SLC9C2: variants seen among roughly 807,000 people sequenced by gnomAD.
SLC9C2 encodes the protein sodium/hydrogen exchanger 11.
Under a neutral mutation model 140.2 loss-of-function variants are expected in SLC9C2, and 75 were observed. That is an observed-to-expected ratio of 0.53 (90% CI 0.44 to 0.65). SLC9C2 has a LOEUF of 0.65. Ranked by LOEUF, SLC9C2 falls within the 30% of genes least tolerant of loss-of-function variation. SLC9C2 has a pLI of 0.00. For missense variants in SLC9C2, 1,074 were observed against 1,331.8 expected, an observed-to-expected ratio of 0.81 and a Z score of 3.01; for synonymous variants, 375 against 420.9, an observed-to-expected ratio of 0.89 and a Z score of 1.34.
chr1:173,587,457 A>G (rs1028713311), intron 5 of SLC9C2, among the ~76,000 whole-genome samples: 1 of 152,160 alleles, frequency 6.6e-6, no homozygotes, highest in African/African-American at 2.4e-5. Flanking sequence ...TGGAGATTAT[A>G]ATTGGCACTA....
chr1:173,574,686 A>G (rs1250523900), intron 8 of SLC9C2, among the ~76,000 whole-genome samples: 1 of 151,018 alleles, frequency 6.6e-6, no homozygotes, highest in East Asian at 2.0e-4. Flanking sequence ...AATTTTTTGT[A>G]TTTTTAGTAG....
At chr1:173,557,574 C>T (rs1376482462) in intron 9 of SLC9C2, 66 bp from the exon 10 acceptor site, 21 of 1,430,558 alleles carry the variant, frequency 1.5e-5, no homozygotes, top group Non-Finnish European at 1.9e-5. Flanking sequence ...TAGTTGAAAG[C>T]AAGTACTAAA....
chr1:173,570,196 G>C (rs73029321), intron 9 of SLC9C2, among the ~76,000 whole-genome samples: 2,115 of 152,182 alleles, frequency 0.014, 58 homozygotes, highest in African/African-American at 0.049. Flanking sequence ...TCTCACCCAA[G>C]GCCCACAGCA....
intron 14 of SLC9C2, among the ~76,000 whole-genome samples, chr1:173,536,568 C>A (rs868487945): frequency 6.6e-6 from 1 of 152,160 alleles, no homozygotes; most frequent in South Asian, 2.1e-4. Flanking sequence ...GGCTTCTAAA[C>A]CTCCTCTGTC....
intron 9 of SLC9C2, among the ~76,000 whole-genome samples, chr1:173,568,268 C>G (rs1400614807): frequency 6.6e-6 from 1 of 152,070 alleles, no homozygotes; most frequent in East Asian, 1.9e-4. Flanking sequence ...TTTTCTGCTC[C>G]TCTCCCTCCT....
chr1:173,534,751 T>C (rs1661822887), intron 15 of SLC9C2, 69 bp from the exon 16 acceptor site: 2 of 1,213,950 alleles, frequency 1.6e-6, no homozygotes, highest in South Asian at 1.8e-5. Context: ...TCAATATTTG[T>C]TTAAACAAAT....
rs568987848 is a variant in SLC9C2 at position 173,595,433 on chromosome 1, T to C, written c.357+2471A>G. On this transcript the variant is annotated intron_variant, in intron 4 of 27. Transcript: ENST00000367714. Reference sequence around the variant, plus strand: ...TATTAAGGGCTTTCTAGAAGCCTATTCAGCAAACTTTTGTACACTTTTTAT... The same window carrying C: ...TATTAAGGGCTTTCTAGAAGCCTATCCAGCAAACTTTTGTACACTTTTTAT... Among the ~76,000 whole-genome samples, 6 of 152,290 alleles carry C rather than the reference T, an allele frequency of 3.9e-5. No individual in the cohort carries two copies. The East Asian group carries it at 1.2e-3, about 29-fold the overall frequency.
intron 11 of SLC9C2, among the ~76,000 whole-genome samples, chr1:173,553,765 G>T (rs552058279): frequency 4.3e-4 from 65 of 152,226 alleles, no homozygotes; most frequent in Admixed American, 7.8e-4. Flanking sequence ...TGCATTATTT[G>T]CTTTGTCACG....
chr1:173,533,230 T>TA (rs1303563363), intron 17 of SLC9C2, among the ~76,000 whole-genome samples: 1 of 152,108 alleles, frequency 6.6e-6, no homozygotes, highest in Non-Finnish European at 1.5e-5. Flanking sequence ...ACACACAATG[T>TA]AAAAAAAGAA....
chr1:173,501,936 AG>A (rs1252125140), intron 27 of SLC9C2, among the ~76,000 whole-genome samples: 2 of 152,144 alleles, frequency 1.3e-5, no homozygotes, highest in African/African-American at 4.8e-5. Context: ...GAAGAGTCTT[AG>A]GGTGGCTGTC....
intron 23 of SLC9C2, among the ~76,000 whole-genome samples, chr1:173,510,785 G>A (rs1190659536): frequency 2.0e-5 from 3 of 152,096 alleles, no homozygotes; most frequent in Non-Finnish European, 2.9e-5. Flanking sequence ...GAATAGTGTG[G>A]CAATAAACAT....
intron 13 of SLC9C2, among the ~76,000 whole-genome samples, chr1:173,541,072 A>G (rs1245466694): frequency 1.3e-5 from 2 of 152,192 alleles, no homozygotes; most frequent in African/African-American, 2.4e-5. Context: ...AATTGGATAA[A>G]GAGTCAAGAC....
chr1:173,573,303 C>T lies in SLC9C2; in HGVS notation c.925G>A (p.Val309Ile), dbSNP rs764661134. The change falls in exon 9 of 28, where the codon GTA becomes ATA. Residue 309 changes from valine to isoleucine, a missense_variant. Physicochemically the swap from Val to Ile is conservative, Grantham distance 29. Transcript: ENST00000367714. The stretch of plus-strand genomic sequence containing the variant: ...AAAGCATATATTAAATGTTCATATA[C>T]AGATGAAAAAATTCTTAAGAACCTA... Reference protein sequence around the residue: ...ITKFLRIFSSVYEHLIYAFFG... With the variant: ...ITKFLRIFSSIYEHLIYAFFG... 3.9e-6 allele frequency: 6 copies of T among 1,536,310 alleles called. No individual in the cohort carries two copies. Among genetic ancestry groups the T allele is most frequent in the Non-Finnish European group, 5.3e-6 (6 of 1,128,236 alleles).
At chr1:173,555,660 T>TAC (rs1663626543) in intron 10 of SLC9C2, among the ~76,000 whole-genome samples, 1 of 152,210 alleles carries the variant, frequency 6.6e-6, no homozygotes, top group Admixed American at 6.5e-5. Flanking sequence ...GGAGGAGCTG[T>TAC]AATGTTGATT....
At chr1:173,520,911 C>CCT (rs150006115) in intron 22 of SLC9C2, among the ~76,000 whole-genome samples, 7 of 150,832 alleles carry the variant, frequency 4.6e-5, no homozygotes, top group South Asian at 4.2e-4. Context: ...AATCTCTCTC[C>CCT]CTCTCTCTCT....
At position 173,578,724 on chromosome 1, in the gene SLC9C2, G is replaced by A. The variant is rs116772090; in HGVS notation, c.803-1964C>T. On this transcript the variant is annotated intron_variant, in intron 7 of 27. Coordinates refer to ENST00000367714, the MANE Select transcript of SLC9C2 (RefSeq NM_178527.4). ...CTCTCCTAGCTTCTGGTAGTTTCAG[G>A]CATTCCTTGGCTTATAGCTGGTATT... Among the ~76,000 whole-genome samples, 1,416 of 152,250 alleles carry A rather than the reference G, an allele frequency of 9.3e-3. 24 individuals are homozygous for A. The highest frequency in any genetic ancestry group is 0.033 in the African/African-American group (1,361 of 41,544).
chr1:173,573,182 C>T lies in SLC9C2; in HGVS notation c.1046G>A (p.Arg349Lys), dbSNP rs1462659305. 1 of 1,538,458 alleles carries T rather than the reference C, an allele frequency of 6.5e-7. No individual in the cohort carries two copies. Among genetic ancestry groups the T allele is most frequent in the East Asian group, 2.3e-5 (1 of 44,190 alleles). ...FILFTTVNLV[R>K]LLTILLVSPI... The stretch of plus-strand genomic sequence containing the variant: ...ACAAACTTTAAAATATTATTCTTAC[C>T]TTACCAAATTCACTGTTGTAAATAA... Residue 349 changes from arginine (R) to lysine (K), a missense_variant and splice_region_variant, in exon 9 of 28, where the codon AGG (arginine) becomes AAG (lysine). Transcript: ENST00000367714.
At chr1:173,512,710 G>A (rs974252767) in intron 23 of SLC9C2, among the ~76,000 whole-genome samples, 1 of 152,198 alleles carries the variant, frequency 6.6e-6, no homozygotes, top group South Asian at 2.1e-4. Flanking sequence ...TGGTGAGAGA[G>A]GGTATCCTCG....
intron 22 of SLC9C2, among the ~76,000 whole-genome samples, chr1:173,518,504 A>G (rs755155500): frequency 1.3e-5 from 2 of 152,204 alleles, no homozygotes; most frequent in Non-Finnish European, 2.9e-5. Flanking sequence ...TGCAATATCA[A>G]CAGGAAAAGG....
Sources: allele counts gnomAD v4.1 joint callset (sites outside exome capture counted in the v4.1 genomes callset), GRCh38; gene constraint gnomAD v4.1.1; transcripts MANE v1.5; gene names NCBI Gene and HGNC (gene_info 2026-07-23, HGNC 2026-07-21).